The following EXOC3 variants were observed in gnomAD, a reference collection of about 807,000 sequenced individuals.
EXOC3 encodes exocyst complex component 3.
EXOC3 carries 21 observed loss-of-function variants against 73.7 expected under a neutral mutation model. The observed-to-expected ratio is 0.29, with a 90% CI of 0.20 to 0.41. The LOEUF (loss-of-function observed/expected upper bound fraction) is 0.41, where lower values mean the gene tolerates loss of function less well. Ranked by LOEUF, EXOC3 falls within the 10% of genes least tolerant of loss-of-function variation. The pLI, the probability that EXOC3 is intolerant of heterozygous loss-of-function variation, is 1.00. For synonymous variants in EXOC3, 410 were observed against 389.1 expected, an observed-to-expected ratio of 1.05 and a Z score of -0.63; for missense variants, 842 against 985.1, an observed-to-expected ratio of 0.85 and a Z score of 1.95.
chr5:453,319 C>A, intron 3 of EXOC3, 51 bp from the exon 4 acceptor site: 1 of 1,422,472 alleles, frequency 7.0e-7, no homozygotes, highest in Non-Finnish European at 9.6e-7. Context: ...ATGCAGGCAG[C>A]CTTTTATGTG....
chr5:450,364 T>C (rs1737628531), intron 3 of EXOC3, among the ~76,000 whole-genome samples: 1 of 152,268 alleles, frequency 6.6e-6, no homozygotes, highest in African/African-American at 2.4e-5. Context: ...TTCCTTCTGA[T>C]ACTGATTTCT....
intron 1 of EXOC3, among the ~76,000 whole-genome samples, chr5:443,794 C>T (rs1322976272): frequency 4.8e-5 from 7 of 146,712 alleles, no homozygotes; most frequent in East Asian, 2.0e-4. Context: ...GTGCAGGTGT[C>T]CTCTTGACGG....
rs867803757 is a variant in EXOC3 at position 461,961 on chromosome 5, T to C, written c.1393T>C (p.Tyr465His). 1.0e-5 allele frequency: 16 copies of C among 1,583,348 alleles called. No individual in the cohort carries two copies. The African/African-American group carries it at 2.2e-4, about 21-fold the overall frequency. ...TGACCGAAGCCTGTCTGTCCTCAGA[T>C]ATAAAGATGAAGCGCAGCTGTATAA... ...LQQMNSFLSRYKDEAQLYKEE... is the reference protein window; with the variant it reads ...LQQMNSFLSRHKDEAQLYKEE... Residue 465 changes from tyrosine to histidine, a missense_variant and splice_region_variant, in exon 8 of 13, where the codon TAT becomes CAT. Transcript: ENST00000512944.
chr5:449,296 AT>A (rs1456167334), intron 3 of EXOC3, among the ~76,000 whole-genome samples: 4 of 152,202 alleles, frequency 2.6e-5, no homozygotes, highest in African/African-American at 4.8e-5. Flanking sequence ...TTCTTCTAAA[AT>A]GCATATGTAC....
At chr5:451,629 T>C (rs1214315550) in intron 3 of EXOC3, among the ~76,000 whole-genome samples, 1 of 152,220 alleles carries the variant, frequency 6.6e-6, no homozygotes, top group Non-Finnish European at 1.5e-5. Context: ...CGATTGTCCA[T>C]GAATTTACCT....
chr5:456,748 C>T (rs1004442394), intron 4 of EXOC3, 141 bp from the exon 5 acceptor site: 13 of 697,562 alleles, frequency 1.9e-5, no homozygotes, highest in Admixed American at 4.2e-5. Context: ...TGCACTTTCC[C>T]CTGAGCTGTG....
intron 3 of EXOC3, among the ~76,000 whole-genome samples, chr5:452,787 C>G (rs1197251696): frequency 6.6e-6 from 1 of 152,254 alleles, no homozygotes; most frequent in Non-Finnish European, 1.5e-5. Context: ...TTGGCCACTT[C>G]CGAATTTTTC....
chr5:457,870 C>T, intron 5 of EXOC3, 30 bp from the exon 6 acceptor site: 13 of 1,589,382 alleles, frequency 8.2e-6, no homozygotes, highest in Non-Finnish European at 1.1e-5. Context: ...CTTCTCTCTT[C>T]TCTTCTCCAT....
chr5:450,842 C>G (rs1737641654), intron 3 of EXOC3, among the ~76,000 whole-genome samples: 1 of 150,866 alleles, frequency 6.6e-6, no homozygotes, highest in African/African-American at 2.4e-5. Context: ...TATAACCACT[C>G]CTGTTCTCTT....
chr5:460,429 G>A (rs1025698206), intron 7 of EXOC3, among the ~76,000 whole-genome samples: 8 of 152,196 alleles, frequency 5.3e-5, no homozygotes, highest in Admixed American at 2.6e-4. Context: ...GAGACATGGC[G>A]TCCATAGGTC....
chr5:454,053 T>A lies in EXOC3; in HGVS notation c.1046+2T>A. 6.3e-7 allele frequency: 1 copy of A among 1,593,122 alleles called. No individual in the cohort carries two copies. The stretch of plus-strand genomic sequence containing the variant: ...GTGGGTCTTAAACACCTACACAAGG[T>A]AAAGCTAACCTGGCGCCTGTGTTGG... On this transcript the variant is annotated splice_donor_variant, in intron 4 of 12. Transcript: ENST00000512944. LOFTEE classifies it high-confidence loss of function.
At chr5:457,265 A>C (rs940220756) in intron 5 of EXOC3, 1 of 494,786 alleles carries the variant, frequency 2.0e-6, no homozygotes, top group Admixed American at 3.3e-5. Context: ...CAGGCTGGCC[A>C]GGGCCCAGAA....
intron 3 of EXOC3, among the ~76,000 whole-genome samples, chr5:451,712 T>C (rs1737664081): frequency 6.6e-6 from 1 of 152,254 alleles, no homozygotes; most frequent in African/African-American, 2.4e-5. Context: ...CCAGTGGGAC[T>C]CTATTTAAGC....
Position 464,348 on chromosome 5 carries a change from T to C in EXOC3, c.1712T>C (p.Ile571Thr), listed in dbSNP as rs769992574. ...KWLLGSNAVD[I>T]ICVTVEDYFN... The stretch of plus-strand genomic sequence containing the variant: ...CTATTAGGGTCAAACGCTGTAGACA[T>C]TATCTGTGTCACCGTGGAAGACTAT... Residue 571 changes from isoleucine to threonine, a missense_variant, in exon 10 of 13, where the codon ATT (isoleucine) becomes ACT (threonine). By Grantham distance (89) the Ile-to-Thr change is moderately conservative. Coordinates refer to ENST00000512944, the MANE Select transcript of EXOC3 (RefSeq NM_007277.5). 1.2e-6 allele frequency: 2 copies of C among 1,613,646 alleles called. No homozygotes were observed. Among genetic ancestry groups the C allele is most frequent in the East Asian group, 4.5e-5 (2 of 44,878 alleles).
At chr5:455,998 G>A (rs1221645964) in intron 4 of EXOC3, among the ~76,000 whole-genome samples, 3 of 152,288 alleles carry the variant, frequency 2.0e-5, no homozygotes, top group Non-Finnish European at 2.9e-5. Flanking sequence ...CTGTTCTTGC[G>A]GATGCGTTTT....
At chr5:465,002 G>C in intron 10 of EXOC3, 109 bp from the exon 11 acceptor site, 1 of 1,175,516 alleles carries the variant, frequency 8.5e-7, no homozygotes, top group Non-Finnish European at 1.2e-6. Flanking sequence ...AGGAGGAGTG[G>C]GCTCAGAGCC....
chr5:462,504 T>TA (rs1182301816), intron 9 of EXOC3, 197 bp downstream of exon 9: 2 of 591,696 alleles, frequency 3.4e-6, no homozygotes, highest in Non-Finnish European at 3.0e-6. Flanking sequence ...GGGTCCTTCT[T>TA]ACGCACAATT....
chr5:466,579 C>A, intron 12 of EXOC3, 148 bp from the exon 13 acceptor site: 1 of 665,138 alleles, frequency 1.5e-6, no homozygotes, highest in Non-Finnish European at 2.5e-6. Context: ...GGCTTGTCTC[C>A]CGCTGAAAAG....
chr5:459,087 G>C (rs1210340748), intron 6 of EXOC3, among the ~76,000 whole-genome samples: 1 of 152,186 alleles, frequency 6.6e-6, no homozygotes, highest in East Asian at 1.9e-4. Context: ...CTCCAGTCAC[G>C]TAGTGTGAGG....
Sources: allele counts gnomAD v4.1 joint callset (sites outside exome capture counted in the v4.1 genomes callset), GRCh38; gene constraint gnomAD v4.1.1; transcripts MANE v1.5; gene names NCBI Gene and HGNC (gene_info 2026-07-23, HGNC 2026-07-21).